The following PLCL2 variants were observed in gnomAD, a reference collection of about 807,000 sequenced individuals.
PLCL2 encodes inactive phospholipase C-like protein 2.
A neutral mutation model predicts 79.6 loss-of-function variants in PLCL2; 4 were observed. The observed-to-expected ratio is 0.05, with a 90% CI of 0.02 to 0.11. PLCL2 has a LOEUF of 0.11. Among genes scored for constraint, PLCL2 ranks in the 10% least tolerant of loss-of-function variants. The probability of loss-of-function intolerance (pLI) is 1.00; values close to 1 mark genes in which losing one functional copy is unlikely to be tolerated. For missense variants in PLCL2, 895 were observed against 1,291.0 expected (o/e 0.69, Z 4.70); for synonymous variants, 484 against 457.7 (o/e 1.06, Z -0.73).
At chr3:16,913,054 A>G (rs1419924295) in intron 1 of PLCL2, among the ~76,000 whole-genome samples, 1 of 152,086 alleles carries the variant, frequency 6.6e-6, no homozygotes, top group Non-Finnish European at 1.5e-5. Flanking sequence ...CTACTTTGTG[A>G]AATTCTCTCA....
chr3:17,024,909 T>C (rs748727768), intron 3 of PLCL2, among the ~76,000 whole-genome samples: 2 of 152,190 alleles, frequency 1.3e-5, no homozygotes, highest in Non-Finnish European at 2.9e-5. Flanking sequence ...AAAACAGATG[T>C]GTTCATCTTC....
intron 1 of PLCL2, among the ~76,000 whole-genome samples, chr3:16,894,747 C>G (rs1392691285): frequency 1.3e-5 from 2 of 151,418 alleles, no homozygotes; most frequent in East Asian, 3.9e-4. Flanking sequence ...TTTGGATATT[C>G]TCTTTTGTGA....
At chr3:17,023,187 T>C (rs1308312025) in intron 3 of PLCL2, among the ~76,000 whole-genome samples, 1 of 152,148 alleles carries the variant, frequency 6.6e-6, no homozygotes, top group African/African-American at 2.4e-5. Context: ...CGTTATTTCC[T>C]CCTCTCTGTT....
At chr3:17,008,940 C>T (rs1267707505) in intron 1 of PLCL2, among the ~76,000 whole-genome samples, 1 of 152,070 alleles carries the variant, frequency 6.6e-6, no homozygotes, top group African/African-American at 2.4e-5. Context: ...ATCTCAGCCC[C>T]CTGAATAGCT....
At chr3:17,043,701 T>C (rs1293674116) in intron 4 of PLCL2, among the ~76,000 whole-genome samples, 1 of 151,984 alleles carries the variant, frequency 6.6e-6, no homozygotes, top group Non-Finnish European at 1.5e-5. Context: ...CTATATTGCC[T>C]ACCCTGAAAA....
In PLCL2 at chr3:16,976,772, T is replaced by G. The variant is rs906230640; in HGVS notation, c.328-32902T>G. Among the ~76,000 whole-genome samples, 3 of 152,314 alleles carry G rather than the reference T, an allele frequency of 2.0e-5. No individual in the cohort carries two copies. In the South Asian group the frequency reaches 6.2e-4, roughly 32 times the overall value. ...CAGTGTTGTCCTTATTTGTGGGGCT[T>G]ATTTATTTCAATCTTTAGCTACTTC... On this transcript the variant is annotated intron_variant, in intron 1 of 5. Coordinates refer to ENST00000615277, the MANE Select transcript of PLCL2 (RefSeq NM_001144382.2).
At chr3:16,990,955 T>C (rs901395879) in intron 1 of PLCL2, among the ~76,000 whole-genome samples, 2 of 152,156 alleles carry the variant, frequency 1.3e-5, no homozygotes, top group Non-Finnish European at 2.9e-5. Context: ...ACCCACAGGA[T>C]AGAGAGACAG....
chr3:16,930,330 T>TA (rs1407747035), intron 1 of PLCL2, among the ~76,000 whole-genome samples: 3 of 152,188 alleles, frequency 2.0e-5, no homozygotes, highest in African/African-American at 4.8e-5. Flanking sequence ...AGTTCATAAA[T>TA]ACTTGTGGCT....
At chr3:16,916,139 G>A (rs924653706) in intron 1 of PLCL2, among the ~76,000 whole-genome samples, 3 of 152,152 alleles carry the variant, frequency 2.0e-5, no homozygotes, top group Non-Finnish European at 2.9e-5. Context: ...TATAGCACCA[G>A]CACGGTACAG....
intron 1 of PLCL2, among the ~76,000 whole-genome samples, chr3:16,885,933 C>G (rs761929264): frequency 6.6e-6 from 1 of 152,150 alleles, no homozygotes; most frequent in Non-Finnish European, 1.5e-5. Flanking sequence ...AACATAAATG[C>G]AGATTTCCGC....
intron 3 of PLCL2, among the ~76,000 whole-genome samples, chr3:17,021,066 T>C (rs2064445556): frequency 6.6e-6 from 1 of 152,174 alleles, no homozygotes; most frequent in Non-Finnish European, 1.5e-5. Context: ...AAAGCTTCTT[T>C]TAATTAGAGT....
intron 3 of PLCL2, among the ~76,000 whole-genome samples, chr3:17,016,987 GT>G: frequency 6.6e-6 from 1 of 152,316 alleles, no homozygotes; most frequent in South Asian, 2.1e-4. Flanking sequence ...GGCAGGCCAA[GT>G]TCAGGGGCTG....
chr3:16,999,172 T>C (rs371558080), intron 1 of PLCL2, among the ~76,000 whole-genome samples: 129 of 151,982 alleles, frequency 8.5e-4, no homozygotes, highest in African/African-American at 2.9e-3. Context: ...TGGTTTTTTT[T>C]CCCTATGGGT....
chr3:17,010,810 C>T lies in PLCL2; in HGVS notation c.1464C>T (p.His488=), dbSNP rs1575585442. 7 of 1,614,146 alleles carry T rather than the reference C, an allele frequency of 4.3e-6. No homozygotes were observed. The highest frequency in any genetic ancestry group is 5.9e-6 in the Non-Finnish European group (7 of 1,180,002). ...PDNEPVIYTG[H]TMTSQIVFRS... ...ATGAACCTGTAATTTACACAGGCCA[C>T]ACCATGACCTCTCAGATAGTTTTCC... Residue 488 remains histidine, a synonymous_variant, in exon 2 of 6, where the codon CAC becomes CAT. Coordinates refer to ENST00000615277, the MANE Select transcript of PLCL2 (RefSeq NM_001144382.2). This position sits in a 1 kb window ranked among gnomAD's most constrained non-coding sequence, Gnocchi z 5.8.
chr3:17,030,413 T>C (rs1247348098), intron 3 of PLCL2, among the ~76,000 whole-genome samples: 1 of 152,164 alleles, frequency 6.6e-6, no homozygotes, highest in African/African-American at 2.4e-5. Context: ...TTTGTGTGAG[T>C]TTATTTTAAC....
At chr3:17,068,170 G>A in intron 5 of PLCL2, 105 bp downstream of exon 5, 1 of 654,606 alleles carries the variant, frequency 1.5e-6, no homozygotes, top group South Asian at 2.0e-5. Context: ...CAGCCACTGA[G>A]ATTGTAGAAT....
rs1384842793 is a variant in PLCL2, at chr3:17,009,348, C to G, written c.328-326C>G. Among the ~76,000 whole-genome samples, 2 of 152,006 alleles carry G rather than the reference C, an allele frequency of 1.3e-5. No individual in the cohort carries two copies. Among genetic ancestry groups the G allele is most frequent in the Non-Finnish European group, 2.9e-5 (2 of 68,002 alleles). Reference sequence around the variant, plus strand: ...TATTACCCAGGTTGGTCTCAAACTCCTCACCTCAAGCAATCCTCCTGCCTT... The same window carrying G: ...TATTACCCAGGTTGGTCTCAAACTCGTCACCTCAAGCAATCCTCCTGCCTT... On this transcript the variant is annotated intron_variant, in intron 1 of 5. Coordinates refer to ENST00000615277, the MANE Select transcript of PLCL2 (RefSeq NM_001144382.2). The surrounding 1 kb of genome is among the most constrained non-coding windows in gnomAD (Gnocchi z 4.0).
In PLCL2 at chr3:17,090,395, A is replaced by G; in HGVS notation, c.*483A>G. The stretch of plus-strand genomic sequence containing the variant: ...TAATTACTAAAGAGAATGTAAGTGG[A>G]CGGGTTCCCTGAATCCCCGGGGTCC... On this transcript the variant is annotated 3_prime_UTR_variant, in exon 6 of 6. Coordinates refer to ENST00000615277, the MANE Select transcript of PLCL2 (RefSeq NM_001144382.2). 2.9e-6 allele frequency: 1 copy of G among 347,608 alleles called. No homozygotes were observed. Among genetic ancestry groups the G allele is most frequent in the Non-Finnish European group, 4.1e-6 (1 of 246,898 alleles). The allele number at this position is 347,608 out of a possible 1,614,324, so 21.5% of individuals were successfully genotyped here.
chr3:16,964,143 G>A (rs1270442407), intron 1 of PLCL2, among the ~76,000 whole-genome samples: 1 of 151,674 alleles, frequency 6.6e-6, no homozygotes, highest in Non-Finnish European at 1.5e-5. Flanking sequence ...ATTTACATTA[G>A]GTATATCTCC....
Sources: allele counts gnomAD v4.1 joint callset (sites outside exome capture counted in the v4.1 genomes callset), GRCh38; gene constraint gnomAD v4.1.1; non-coding constraint Gnocchi (gnomAD v3.1); transcripts MANE v1.5; gene names NCBI Gene and HGNC (gene_info 2026-07-23, HGNC 2026-07-21).